The following ZNF343 variants were observed in gnomAD, a reference collection of about 807,000 sequenced individuals.
ZNF343 encodes zinc finger protein 343.
ZNF343 carries 11 observed loss-of-function variants against 13.8 expected under a neutral mutation model. The observed-to-expected ratio is 0.80, with a 90% CI of 0.50 to 1.32. The LOEUF (loss-of-function observed/expected upper bound fraction) is 1.32. Ranked by LOEUF, ZNF343 falls within the 40% of genes most tolerant of loss-of-function variation. The pLI, the probability that ZNF343 is intolerant of heterozygous loss-of-function variation, is 0.00. For missense variants in ZNF343, 658 were observed against 714.2 expected (o/e 0.92, Z 0.90); for synonymous variants, 248 against 260.0 (o/e 0.95, Z 0.44).
intron 1 of ZNF343, among the ~76,000 whole-genome samples, chr20:2,502,392 G>A (rs1236673839): frequency 6.6e-6 from 1 of 152,188 alleles, no homozygotes; most frequent in African/African-American, 2.4e-5. Flanking sequence ...CACTCTGCAG[G>A]ATATTATCCA....
At chr20:2,521,681 C>T (rs1047141800) in intron 1 of ZNF343, among the ~76,000 whole-genome samples, 1 of 152,212 alleles carries the variant, frequency 6.6e-6, no homozygotes, top group African/African-American at 2.4e-5. Context: ...ATGGTGGAAA[C>T]TTAGCCTTTG....
intron 1 of ZNF343, among the ~76,000 whole-genome samples, chr20:2,502,261 AAAAAAGAAT>A (rs1022329397): frequency 1.3e-3 from 199 of 152,324 alleles, no homozygotes; most frequent in African/African-American, 4.4e-3. Flanking sequence ...GAAGTTAGAG[AAAAAAGAAT>A]AAAAAGAAAC....
In ZNF343 at chr20:2,482,785, C is replaced by A; in HGVS notation, c.*376G>T. On this transcript the variant is annotated 3_prime_UTR_variant, in exon 6 of 6. Coordinates refer to ENST00000278772, the MANE Select transcript of ZNF343 (RefSeq NM_024325.6). ...TGAGGGCCACTCTGTGCCTGAGTGT[C>A]CATTCTTTTACTGATGCTCCCCAAC... 1.8e-5 allele frequency: 4 copies of A among 222,504 alleles called. No homozygotes were observed. The highest frequency in any genetic ancestry group is 1.0e-4 in the East Asian group (1 of 9,826). 13.8% of individuals were successfully genotyped at this position (222,504 alleles called of 1,614,324 possible).
chr20:2,510,088 GC>G (rs2085729308), upstream of ZNF343, among the ~76,000 whole-genome samples: 1 of 152,176 alleles, frequency 6.6e-6, no homozygotes, highest in African/African-American at 2.4e-5. Flanking sequence ...ACTCGTAACT[GC>G]CCGCTTGTCA....
At chr20:2,492,676 G>A in intron 5 of ZNF343, 23 bp downstream of exon 5, 1 of 1,601,978 alleles carries the variant, frequency 6.2e-7, no homozygotes, top group South Asian at 1.1e-5. Context: ...ATTAATGAAG[G>A]AAAGGAAAGA....
chr20:2,521,256 A>G (rs6114745), intron 1 of ZNF343, among the ~76,000 whole-genome samples: 53,742 of 152,046 alleles, frequency 0.35, 11,009 homozygotes, highest in Non-Finnish European at 0.45. Flanking sequence ...CTTATGGTAC[A>G]AGCATTGGGA....
chr20:2,486,654 T>TA (rs2085285229), intron 5 of ZNF343: 1 of 151,936 alleles, frequency 6.6e-6, no homozygotes, highest in African/African-American at 2.4e-5. Flanking sequence ...TAATCCCAAC[T>TA]ACTCGAGAGG....
intron 2 of ZNF343, among the ~76,000 whole-genome samples, chr20:2,495,067 T>A (rs2085435284): frequency 6.6e-6 from 1 of 152,222 alleles, no homozygotes; most frequent in South Asian, 2.1e-4. Context: ...TCAGCCCAAA[T>A]GGCTACAGGC....
At chr20:2,520,223 C>A (rs2085776498) in intron 1 of ZNF343, among the ~76,000 whole-genome samples, 1 of 152,152 alleles carries the variant, frequency 6.6e-6, no homozygotes, top group Admixed American at 6.5e-5. Context: ...ATTCTACATG[C>A]ACTTTATGAG....
chr20:2,490,605 T>C (rs1169234990), intron 5 of ZNF343, among the ~76,000 whole-genome samples: 1 of 151,110 alleles, frequency 6.6e-6, no homozygotes, highest in Non-Finnish European at 1.5e-5. Context: ...TGGCATGATC[T>C]CAGCTCACTG....
intron 4 of ZNF343, 171 bp from the exon 5 acceptor site, chr20:2,492,996 G>T: frequency 1.2e-6 from 1 of 826,752 alleles, no homozygotes; most frequent in Non-Finnish European, 1.9e-6. Flanking sequence ...CTGGCTTTCT[G>T]TTAAAACCTG....
chr20:2,513,805 G>A (rs1232117049), upstream of ZNF343, among the ~76,000 whole-genome samples: 10 of 152,208 alleles, frequency 6.6e-5, no homozygotes, highest in Non-Finnish European at 1.5e-4. Flanking sequence ...AGCCATAAAA[G>A]TATTGATATA....
Position 2,486,116 on chromosome 20 carries a change from G to A in ZNF343, c.305-1460C>T, listed in dbSNP as rs989214091. Reference sequence around the variant, plus strand: ...AGAAGCATACCAAGTCATTCAGACTGCAGTCTGAATATATATACGGCAGTG... The same window carrying A: ...AGAAGCATACCAAGTCATTCAGACTACAGTCTGAATATATATACGGCAGTG... On this transcript the variant is annotated intron_variant, in intron 5 of 5. Transcript: ENST00000278772. Among the ~76,000 whole-genome samples the A allele has an allele frequency of 7.2e-5, 11 of 152,230 alleles. No individual in the cohort carries two copies. In the East Asian group the frequency reaches 2.1e-3, roughly 29 times the overall value.
chr20:2,518,763 C>T lies in ZNF343; in HGVS notation c.-347+5692G>A, dbSNP rs2085770588. On this transcript the variant is annotated intron_variant, in intron 1 of 6. Coordinates refer to the ZNF343 transcript ENST00000358413. The surrounding 1 kb of genome is among the most constrained non-coding windows in gnomAD (Gnocchi z 4.6). ...GTAAACCATTCAGTGCCTACCCTTG[C>T]AGCCCACACCCACTGATAATGGTTT... is the stretch of plus-strand genomic sequence containing the variant. Among the ~76,000 whole-genome samples the T allele has an allele frequency of 6.6e-6, 1 of 152,192 alleles. No individual in the cohort carries two copies. The highest frequency in any genetic ancestry group is 2.4e-5 in the African/African-American group (1 of 41,428).
chr20:2,484,266 T>C lies in ZNF343; in HGVS notation c.695A>G (p.Glu232Gly). ...NPVQLDKGLK[E>G]LETLRFGAIN... Reference sequence around the variant, plus strand: ...TGCTCCAAATCTCAAGGTTTCTAATTCCTTCAAGCCTTTGTCTAGCTGCAC... The same window carrying C: ...TGCTCCAAATCTCAAGGTTTCTAATCCCTTCAAGCCTTTGTCTAGCTGCAC... Residue 232 changes from glutamate (E) to glycine (G), a missense_variant, in exon 6 of 6, where the codon GAA becomes GGA. Transcript: ENST00000278772. The C allele has an allele frequency of 4.3e-6, 7 of 1,614,236 alleles. No homozygotes were observed. Among genetic ancestry groups the C allele is most frequent in the Non-Finnish European group, 5.9e-6 (7 of 1,180,036 alleles).
chr20:2,485,121 TAAAGA>T (rs1335716783), intron 5 of ZNF343, among the ~76,000 whole-genome samples: 5 of 152,186 alleles, frequency 3.3e-5, no homozygotes, highest in African/African-American at 1.2e-4. Context: ...GAATACTGGT[TAAAGA>T]AATTATTGTA....
chr20:2,494,571 C>T (rs181802438), intron 2 of ZNF343, among the ~76,000 whole-genome samples: 6 of 152,118 alleles, frequency 3.9e-5, no homozygotes, highest in African/African-American at 1.2e-4. Context: ...GAGCTCAAGA[C>T]CAGTCTGGGC....
chr20:2,502,226 A>G (rs1343212046), intron 1 of ZNF343, among the ~76,000 whole-genome samples: 1 of 152,254 alleles, frequency 6.6e-6, no homozygotes, highest in Non-Finnish European at 1.5e-5. Flanking sequence ...ATGGAAGATC[A>G]AATGAATGAA....
intron 5 of ZNF343, chr20:2,486,731 A>G (rs1186517599): frequency 6.6e-6 from 1 of 151,892 alleles, no homozygotes; most frequent in East Asian, 1.9e-4. Flanking sequence ...GCACGATTGC[A>G]CTCTAGCCTG....
Sources: allele counts gnomAD v4.1 joint callset (sites outside exome capture counted in the v4.1 genomes callset), GRCh38; gene constraint gnomAD v4.1.1; non-coding constraint Gnocchi (gnomAD v3.1); transcripts MANE v1.5; gene names NCBI Gene and HGNC (gene_info 2026-07-23, HGNC 2026-07-21).